The following PSD3 variants were observed in gnomAD, a reference collection of about 807,000 sequenced individuals.
The protein encoded by PSD3 is PH and SEC7 domain-containing protein 3.
Under a neutral mutation model 105.5 loss-of-function variants are expected in PSD3, and 49 were observed. The observed-to-expected ratio is 0.46, with a 90% CI of 0.37 to 0.59. PSD3 has a LOEUF of 0.59. Ranked by LOEUF, PSD3 falls within the 20% of genes least tolerant of loss-of-function variation. PSD3 has a pLI of 0.00. For synonymous variants in PSD3, 557 were observed against 457.8 expected (o/e 1.22, Z -2.77); for missense variants, 1,561 against 1,263.8 (o/e 1.24, Z -3.57).
intron 2 of PSD3, among the ~76,000 whole-genome samples, chr8:18,891,641 A>G (rs2129459649): frequency 1.3e-5 from 2 of 152,086 alleles, no homozygotes; most frequent in Middle Eastern, 6.8e-3. Context: ...ACTTCCCCAG[A>G]AAGAATTACT....
Position 18,774,919 on chromosome 8 carries a change from G to A in PSD3, c.2083-9381C>T, listed in dbSNP as rs528331156. 5.9e-5 allele frequency: 27 copies of A among 456,080 alleles called. 1 individual carries two copies. Among genetic ancestry groups the A allele is most frequent in the South Asian group, 2.5e-4 (16 of 64,550 alleles). 28.3% of individuals were successfully genotyped at this position (456,080 alleles called of 1,614,324 possible). A position where few individuals can be genotyped will look rare whatever the true frequency, so the allele number is the denominator to read the frequency against. ...GATCCTGAGCCTTAATCTTGGCTAC[G>A]GCTGCAAAAGCCACCACCGCTGCCA... On this transcript the variant is annotated intron_variant, in intron 8 of 15. Coordinates refer to ENST00000327040, the MANE Select transcript of PSD3 (RefSeq NM_015310.4).
At chr8:18,997,883 A>AT (rs1002556686) in intron 1 of PSD3, among the ~76,000 whole-genome samples, 7 of 151,856 alleles carry the variant, frequency 4.6e-5, no homozygotes, top group Non-Finnish European at 8.8e-5. Flanking sequence ...CCTCTGCCTT[A>AT]TTTTTCCCTG....
chr8:19,065,400 C>T (rs1436838604), intron 1 of PSD3, among the ~76,000 whole-genome samples: 4 of 152,098 alleles, frequency 2.6e-5, no homozygotes, highest in East Asian at 1.9e-4. Flanking sequence ...CTGGAGATAG[C>T]GTCAGATCCC....
At chr8:18,574,491 G>A (rs2634429) in intron 13 of PSD3, among the ~76,000 whole-genome samples, 82,328 of 151,886 alleles carry the variant, frequency 0.54, 22,409 homozygotes, top group Middle Eastern at 0.62. Flanking sequence ...CAAAAACCCC[G>A]GGCAACTTGT....
At chr8:18,997,071 A>C (rs1287375230) in intron 1 of PSD3, among the ~76,000 whole-genome samples, 1 of 151,860 alleles carries the variant, frequency 6.6e-6, no homozygotes, top group East Asian at 1.9e-4. Flanking sequence ...GTGTGGAAGC[A>C]GCCCAGGTTT....
upstream of PSD3, chr8:19,013,950 G>A (rs1827084832): frequency 6.5e-6 from 1 of 153,418 alleles, no homozygotes. Context: ...GGGGGAGGCT[G>A]GAGGCGATCC....
At chr8:18,704,106 T>C (rs550437720) in intron 9 of PSD3, among the ~76,000 whole-genome samples, 1 of 152,226 alleles carries the variant, frequency 6.6e-6, no homozygotes, top group African/African-American at 2.4e-5. Flanking sequence ...TGAAAACAGA[T>C]ACATTTCTTT....
intron 11 of PSD3, among the ~76,000 whole-genome samples, chr8:18,610,729 T>G (rs1473341795): frequency 6.6e-6 from 1 of 152,186 alleles, no homozygotes; most frequent in African/African-American, 2.4e-5. Context: ...TGGAAGAATA[T>G]TCTATTCAAA....
intron 2 of PSD3, among the ~76,000 whole-genome samples, chr8:18,921,679 G>T (rs2129467352): frequency 6.6e-6 from 1 of 152,280 alleles, no homozygotes; most frequent in East Asian, 1.9e-4. Flanking sequence ...TGCTACTTGG[G>T]GTTGCAAAGT....
chr8:18,546,713 G>C (rs1800471938), intron 15 of PSD3, among the ~76,000 whole-genome samples: 1 of 152,090 alleles, frequency 6.6e-6, no homozygotes, highest in Non-Finnish European at 1.5e-5. Flanking sequence ...TCACCATGTT[G>C]TACATTAGGT....
chr8:18,752,528 A>ATT (rs1428157892), intron 9 of PSD3, among the ~76,000 whole-genome samples: 648 of 49,100 alleles, frequency 0.013, 13 homozygotes, highest in East Asian at 0.12. Flanking sequence ...TAATATATAT[A>ATT]ATTATATATT....
chr8:18,765,390 G>A (rs1220488897), intron 9 of PSD3, 59 bp downstream of exon 9: 2 of 1,429,352 alleles, frequency 1.4e-6, no homozygotes, highest in Admixed American at 3.3e-5. Context: ...TTAGGATTAA[G>A]CTGTAAGCAG....
intron 2 of PSD3, among the ~76,000 whole-genome samples, chr8:18,916,295 G>C (rs1232926563): frequency 2.1e-5 from 1 of 47,710 alleles, no homozygotes; most frequent in Non-Finnish European, 3.7e-5. Context: ...TTTAAAAAAA[G>C]TGATATATAT....
chr8:18,592,436 G>C (rs997900995), intron 12 of PSD3, among the ~76,000 whole-genome samples: 7 of 152,090 alleles, frequency 4.6e-5, no homozygotes, highest in Admixed American at 2.0e-4. Context: ...AAAGAAGAAA[G>C]AGGGCACAAA....
intron 10 of PSD3, among the ~76,000 whole-genome samples, chr8:18,637,179 T>C (rs1012272900): frequency 6.6e-6 from 1 of 152,254 alleles, no homozygotes; most frequent in Non-Finnish European, 1.5e-5. Context: ...GTACAGTGTT[T>C]GTGTACATTT....
chr8:18,955,869 A>G (rs1823540794), intron 1 of PSD3, among the ~76,000 whole-genome samples: 1 of 152,042 alleles, frequency 6.6e-6, no homozygotes, highest in African/African-American at 2.4e-5. Context: ...CCCGGGTTCA[A>G]GTGATTCTCC....
At chr8:18,620,051 C>T (rs562663978) in intron 11 of PSD3, among the ~76,000 whole-genome samples, 3 of 152,256 alleles carry the variant, frequency 2.0e-5, no homozygotes, top group South Asian at 2.1e-4. Flanking sequence ...GCTGCTTCTA[C>T]GTGATAAGGG....
At chr8:18,633,041 G>A (rs972397791) in intron 10 of PSD3, among the ~76,000 whole-genome samples, 1 of 151,976 alleles carries the variant, frequency 6.6e-6, no homozygotes, top group Admixed American at 6.6e-5. Flanking sequence ...TAAGGAAATA[G>A]ACTCAGTGAG....
chr8:18,571,844 T>C (rs1802160291), intron 14 of PSD3, among the ~76,000 whole-genome samples: 1 of 152,140 alleles, frequency 6.6e-6, no homozygotes, highest in Non-Finnish European at 1.5e-5. Flanking sequence ...AATCTTTAAC[T>C]AGTCAATGGC....
Sources: gnomAD v4.1 joint callset for allele counts (sites outside exome capture counted in the v4.1 genomes callset) on GRCh38, gnomAD v4.1.1 for gene constraint, MANE v1.5 for transcripts, NCBI Gene and HGNC (gene_info 2026-07-23, HGNC 2026-07-21) for gene names.